WDR19: variants seen among roughly 807,000 people sequenced by gnomAD.
The protein encoded by WDR19 is WD repeat domain 19.
A neutral mutation model predicts 180.0 loss-of-function variants in WDR19; 121 were observed. The ratio of observed to expected loss-of-function variants is 0.67; its 90% confidence interval spans 0.58 to 0.78. The LOEUF is 0.78. Ranked by LOEUF, WDR19 falls within the 30% of genes least tolerant of loss-of-function variation. The pLI is 0.00. For missense variants in WDR19, 1,450 were observed against 1,640.7 expected (o/e 0.88, Z 2.01); for synonymous variants, 497 against 540.7 (o/e 0.92, Z 1.12).
At chr4:39,191,942 T>C (rs1306594737) in intron 4 of WDR19, among the ~76,000 whole-genome samples, 5 of 152,234 alleles carry the variant, frequency 3.3e-5, no homozygotes, top group Non-Finnish European at 7.3e-5. Flanking sequence ...TCCAATGGCA[T>C]TATTGGAAAT....
At chr4:39,246,415 G>A (rs762717736) in intron 24 of WDR19, among the ~76,000 whole-genome samples, 8 of 152,142 alleles carry the variant, frequency 5.3e-5, no homozygotes, top group Non-Finnish European at 7.4e-5. Flanking sequence ...AGTCTATAGC[G>A]CCCAGCATGA....
intron 28 of WDR19, among the ~76,000 whole-genome samples, chr4:39,263,582 G>A (rs983863677): frequency 1.4e-4 from 22 of 152,012 alleles, no homozygotes; most frequent in Non-Finnish European, 1.9e-4. Flanking sequence ...GACACTTCAA[G>A]TGTGCTCCAC....
intron 14 of WDR19, chr4:39,218,685 T>C (rs1729343481): frequency 6.6e-6 from 1 of 152,126 alleles, no homozygotes; most frequent in Non-Finnish European, 1.5e-5. Context: ...TATTTAAACA[T>C]TTTTTCTTCA....
At chr4:39,184,704 A>G (rs1725331565) in intron 1 of WDR19, among the ~76,000 whole-genome samples, 2 of 152,166 alleles carry the variant, frequency 1.3e-5, no homozygotes, top group African/African-American at 4.8e-5. Context: ...GAGCATTGTA[A>G]GAGTTTTGTG....
rs748697892 is a variant in WDR19 at position 39,225,009 on chromosome 4, A to T, written c.1605A>T (p.Lys535Asn). 1 of 1,567,102 alleles carries T rather than the reference A, an allele frequency of 6.4e-7. No homozygotes were observed. Among genetic ancestry groups the T allele is most frequent in the African/African-American group, 1.4e-5 (1 of 73,644 alleles). Residue 535 changes from lysine (K) to asparagine (N), a missense_variant, in exon 15 of 37, where the codon AAA (lysine) becomes AAT (asparagine). By Grantham distance (94) the Lys-to-Asn change is moderately conservative. Coordinates refer to ENST00000399820, the MANE Select transcript of WDR19 (RefSeq NM_025132.4). ...NGTRLVFIDE[K>N]SDGFVYCPVN... Reference sequence around the variant, plus strand: ...CCAGATTAGTTTTCATTGATGAAAAAAGTGATGGATTTGTTTACTGTCCAG... The same window carrying T: ...CCAGATTAGTTTTCATTGATGAAAATAGTGATGGATTTGTTTACTGTCCAG...
intron 5 of WDR19, among the ~76,000 whole-genome samples, chr4:39,199,013 A>AAAAG (rs1727090521): frequency 6.6e-6 from 1 of 151,786 alleles, no homozygotes; most frequent in Non-Finnish European, 1.5e-5. Flanking sequence ...AAAAAAAAAA[A>AAAAG]AGAATTAGCT....
intron 25 of WDR19, 36 bp from the exon 26 acceptor site, chr4:39,253,870 A>G: frequency 6.6e-7 from 1 of 1,521,458 alleles, no homozygotes; most frequent in Non-Finnish European, 8.8e-7. Flanking sequence ...ACAAATTTAT[A>G]TTAAGAGTCT....
intron 21 of WDR19, among the ~76,000 whole-genome samples, chr4:39,241,525 G>A (rs190763036): frequency 6.0e-5 from 9 of 149,508 alleles, no homozygotes; most frequent in African/African-American, 1.5e-4. Context: ...GTCCGGGGCC[G>A]GGCACAGTGG....
chr4:39,244,374 T>C lies in WDR19; in HGVS notation c.2548T>C (p.Leu850=), dbSNP rs1377587619. 6.8e-6 allele frequency: 11 copies of C among 1,613,894 alleles called. No individual in the cohort carries two copies. Among genetic ancestry groups the C allele is most frequent in the Non-Finnish European group, 8.5e-6 (10 of 1,179,874 alleles). The change falls in exon 22 of 37, where the codon TTG becomes CTG. Residue 850 remains leucine (L), a synonymous_variant. Coordinates refer to ENST00000399820, the MANE Select transcript of WDR19 (RefSeq NM_025132.4). The stretch of plus-strand genomic sequence containing the variant: ...CCTTAAAAGAGACTGTGGAGCCATA[T>C]TGGAGAATATGAAGGTCCTCTTTTC... ...RVLKRDCGAI[L]ENMKQFSEAA... is the part of the protein sequence containing the mutation.
intron 24 of WDR19, 110 bp downstream of exon 24, chr4:39,245,562 A>G: frequency 8.9e-7 from 1 of 1,121,992 alleles, no homozygotes; most frequent in Non-Finnish European, 1.3e-6. Flanking sequence ...AAGACAGAAA[A>G]CACCTTTAAT....
chr4:39,257,182 G>C (rs1487369629), intron 27 of WDR19, among the ~76,000 whole-genome samples: 2 of 152,162 alleles, frequency 1.3e-5, no homozygotes, highest in Non-Finnish European at 2.9e-5. Context: ...CAGGTTGTCA[G>C]TAACTATTTG....
chr4:39,226,103 C>T (rs150327845), intron 15 of WDR19, among the ~76,000 whole-genome samples: 62 of 152,088 alleles, frequency 4.1e-4, no homozygotes, highest in African/African-American at 1.5e-3. Context: ...TGAATTTCCC[C>T]TGTGTGCGTT....
intron 19 of WDR19, among the ~76,000 whole-genome samples, chr4:39,232,524 C>A (rs1287885947): frequency 1.3e-5 from 2 of 152,036 alleles, no homozygotes; most frequent in Non-Finnish European, 2.9e-5. Context: ...ACTCAGGAGG[C>A]TGAGACAGGA....
intron 30 of WDR19, among the ~76,000 whole-genome samples, chr4:39,269,094 T>C (rs1460277552): frequency 1.3e-5 from 2 of 151,938 alleles, no homozygotes; most frequent in Admixed American, 6.6e-5. Flanking sequence ...TGAGGAAAAG[T>C]GCTGGCAAGG....
chr4:39,277,542 G>C (rs1736020287), intron 34 of WDR19, among the ~76,000 whole-genome samples: 3 of 151,976 alleles, frequency 2.0e-5, no homozygotes, highest in African/African-American at 7.3e-5. Flanking sequence ...TAACATATCA[G>C]GTTATTTATA....
At chr4:39,279,496 G>A (rs1348013387) in intron 36 of WDR19, among the ~76,000 whole-genome samples, 17 of 152,154 alleles carry the variant, frequency 1.1e-4, no homozygotes. Context: ...GAGCCTCCAA[G>A]TCTGTCCATG....
chr4:39,204,578 A>G lies in WDR19; in HGVS notation c.604-576A>G, dbSNP rs185326300. On this transcript the variant is annotated intron_variant, in intron 7 of 36. Coordinates refer to ENST00000399820, the MANE Select transcript of WDR19 (RefSeq NM_025132.4). ...ATAATTAAGGAAATACATGATAATG[A>G]GCCCAAATAAGTAATGTACTTTTTT... is the stretch of plus-strand genomic sequence containing the variant. Among the ~76,000 whole-genome samples the G allele has an allele frequency of 6.5e-3, 987 of 152,370 alleles. 7 individuals carry two copies. The highest frequency in any genetic ancestry group is 0.012 in the South Asian group (57 of 4,832).
rs1278563912 is a variant in WDR19, at chr4:39,268,110, T to C, written c.3358+19T>C. On this transcript the variant is annotated intron_variant, in intron 30 of 36. Transcript: ENST00000399820. ...TCTGCAGGTAGGTCCGTGATACGTA[T>C]GTGTTACTTCCCAAGCAGGCAGCAG... The C allele has an allele frequency of 6.4e-7, 1 of 1,550,420 alleles. No individual in the cohort carries two copies. Among genetic ancestry groups the C allele is most frequent in the Non-Finnish European group, 8.8e-7 (1 of 1,142,322 alleles).
At chr4:39,240,677 C>T (rs901937696) in intron 21 of WDR19, among the ~76,000 whole-genome samples, 40 of 152,072 alleles carry the variant, frequency 2.6e-4, no homozygotes, top group South Asian at 6.2e-4. Context: ...GTAGGCTGGA[C>T]GCGGTGGCTC....
Sources: allele counts gnomAD v4.1 joint callset (sites outside exome capture counted in the v4.1 genomes callset), GRCh38; gene constraint gnomAD v4.1.1; transcripts MANE v1.5; gene names NCBI Gene and HGNC (gene_info 2026-07-23, HGNC 2026-07-21).